The following TBK1 variants were observed in gnomAD, a reference collection of about 807,000 sequenced individuals.
TBK1 encodes serine/threonine-protein kinase TBK1.
A neutral mutation model predicts 99.9 loss-of-function variants in TBK1; 37 were observed. The observed-to-expected ratio is 0.37, with a 90% CI of 0.28 to 0.49. TBK1 has a LOEUF of 0.49. Among genes scored for constraint, TBK1 ranks in the 20% least tolerant of loss-of-function variants. The pLI, the probability that TBK1 is intolerant of heterozygous loss-of-function variation, is 0.98. For synonymous variants in TBK1, 258 were observed against 279.8 expected, an observed-to-expected ratio of 0.92 and a Z score of 0.78; for missense variants, 644 against 872.5, an observed-to-expected ratio of 0.74 and a Z score of 3.30.
intron 6 of TBK1, among the ~76,000 whole-genome samples, chr12:64,476,150 C>CTTTTTTTTT (rs59104364): frequency 9.6e-5 from 5 of 51,862 alleles, no homozygotes; most frequent in Non-Finnish European, 1.0e-4. Flanking sequence ...GCGTAGTCTT[C>CTTTTTTTTT]TTTTTTTTTT....
rs747738866 is a variant in TBK1, at chr12:64,474,227, T to G, written c.541-3T>G. ...GATTTTTTTCTTTTTTTTTTAATCTTAGCACCCTGATATGTATGAGAGAGC... is the reference window on the plus strand; with the variant it reads ...GATTTTTTTCTTTTTTTTTTAATCTGAGCACCCTGATATGTATGAGAGAGC... On this transcript the variant is annotated splice_region_variant and splice_polypyrimidine_tract_variant and intron_variant, in intron 5 of 20. Transcript: ENST00000331710. 2 of 1,605,474 alleles carry G rather than the reference T, an allele frequency of 1.2e-6. No individual in the cohort carries two copies. Among genetic ancestry groups the G allele is most frequent in the Non-Finnish European group, 1.7e-6 (2 of 1,177,410 alleles).
At chr12:64,467,759 G>A (rs183936100) in intron 5 of TBK1, among the ~76,000 whole-genome samples, 6 of 152,244 alleles carry the variant, frequency 3.9e-5, no homozygotes, top group Admixed American at 6.5e-5. Context: ...AATTTTATAA[G>A]ATGAAAGATA....
At chr12:64,456,731 A>C (rs2040492367) in intron 2 of TBK1, among the ~76,000 whole-genome samples, 1 of 151,626 alleles carries the variant, frequency 6.6e-6, no homozygotes, top group Non-Finnish European at 1.5e-5. Context: ...AGTCCCAGCT[A>C]CTCGGGAGGC....
In TBK1 at chr12:64,490,129, T is replaced by A; in HGVS notation, c.1521+10T>A. ...CACCAAATTGTTGAGAGTAAGTGTT[T>A]ACAAAATTACGAAATTTGTAAGCTC... On this transcript the variant is annotated intron_variant, in intron 13 of 20. Transcript: ENST00000331710. 2 of 1,593,208 alleles carry A rather than the reference T, an allele frequency of 1.3e-6. No homozygotes were observed. The highest frequency in any genetic ancestry group is 1.7e-6 in the Non-Finnish European group (2 of 1,166,810).
At chr12:64,498,832 T>G (rs2040956684) in intron 20 of TBK1, among the ~76,000 whole-genome samples, 1 of 151,468 alleles carries the variant, frequency 6.6e-6, no homozygotes, top group Non-Finnish European at 1.5e-5. Context: ...GGTGCACACC[T>G]GTAATCCCAG....
At chr12:64,465,307 T>G (rs757448835) in intron 4 of TBK1, among the ~76,000 whole-genome samples, 19 of 149,032 alleles carry the variant, frequency 1.3e-4, no homozygotes, top group Non-Finnish European at 2.7e-4. Flanking sequence ...CCTGATACAT[T>G]GCTGGTAGGA....
chr12:64,482,533 T>TA (rs144468614), intron 8 of TBK1, among the ~76,000 whole-genome samples: 2 of 152,054 alleles, frequency 1.3e-5, no homozygotes, highest in Non-Finnish European at 2.9e-5. Flanking sequence ...CCCATGTGAT[T>TA]AAAAAAAACT....
chr12:64,455,958 G>A lies in TBK1; in HGVS notation c.87+1G>A. 1 of 1,606,334 alleles carries A rather than the reference G, an allele frequency of 6.2e-7. No homozygotes were observed. The highest frequency in any genetic ancestry group is 2.2e-5 in the East Asian group (1 of 44,842). On this transcript the variant is annotated splice_donor_variant, in intron 2 of 20. Transcript: ENST00000331710. LOFTEE classifies it high-confidence loss of function. ...AAATGTCTTTCGTGGAAGACATAAG[G>A]TTAGTACAGAGAAAACTTTGAAGAC...
At chr12:64,463,089 A>C (rs2040563684) in intron 3 of TBK1, among the ~76,000 whole-genome samples, 1 of 152,198 alleles carries the variant, frequency 6.6e-6, no homozygotes, top group Non-Finnish European at 1.5e-5. Context: ...TAAGAAATTC[A>C]GCACTGGTGT....
intron 8 of TBK1, chr12:64,484,005 TCACATACACACA>T (rs1207732022): frequency 2.9e-5 from 4 of 136,204 alleles, no homozygotes; most frequent in Admixed American, 9.0e-5. Flanking sequence ...AAACTCTGTC[TCACATACACACA>T]CACACACACA....
chr12:64,485,672 T>G, intron 10 of TBK1, 159 bp downstream of exon 10: 1 of 468,960 alleles, frequency 2.1e-6, no homozygotes, highest in Non-Finnish European at 3.6e-6. Context: ...GTGGTCTTTC[T>G]TTTTTACTTT....
intron 4 of TBK1, among the ~76,000 whole-genome samples, chr12:64,466,650 GGTA>G (rs1315803359): frequency 6.6e-6 from 1 of 151,710 alleles, no homozygotes; most frequent in Non-Finnish European, 1.5e-5. Flanking sequence ...ACATTTTCCT[GGTA>G]GTACTTAAGA....
At chr12:64,468,891 G>A (rs1313972639) in intron 5 of TBK1, among the ~76,000 whole-genome samples, 2 of 152,082 alleles carry the variant, frequency 1.3e-5, no homozygotes, top group Non-Finnish European at 2.9e-5. Context: ...TCCCCCTGCA[G>A]AAAAGAAACT....
intron 13 of TBK1, among the ~76,000 whole-genome samples, chr12:64,493,304 C>A (rs563642931): frequency 6.6e-6 from 1 of 152,100 alleles, no homozygotes; most frequent in Non-Finnish European, 1.5e-5. Context: ...AAAGTTTTGT[C>A]CATTGCCCTG....
At chr12:64,460,688 G>C (rs2040539013) in intron 3 of TBK1, among the ~76,000 whole-genome samples, 1 of 151,004 alleles carries the variant, frequency 6.6e-6, no homozygotes, top group Non-Finnish European at 1.5e-5. Flanking sequence ...ACAAAAATTA[G>C]CTTGGCATGG....
chr12:64,480,180 G>A (rs2040755093), intron 7 of TBK1, 58 bp downstream of exon 7: 1 of 1,243,584 alleles, frequency 8.0e-7, no homozygotes, highest in Admixed American at 2.0e-5. Flanking sequence ...AATCTTTGTT[G>A]CCTAGAACCA....
chr12:64,481,200 A>G lies in TBK1; in HGVS notation c.813-642A>G, dbSNP rs139481657. ...TTTGGGGATCTCAGGCAAAACTGAT[A>G]AAGTGTAAAGGGCTCAGAAAATGAA... On this transcript the variant is annotated intron_variant, in intron 7 of 20. Transcript: ENST00000331710. Among the ~76,000 whole-genome samples the G allele has an allele frequency of 1.4e-4, 22 of 152,282 alleles. No homozygotes were observed. In the East Asian group the frequency reaches 3.1e-3, roughly 21 times the overall value.
At chr12:64,464,007 G>A (rs1295662704) in intron 3 of TBK1, among the ~76,000 whole-genome samples, 2 of 151,978 alleles carry the variant, frequency 1.3e-5, no homozygotes, top group Non-Finnish European at 2.9e-5. Flanking sequence ...GGGACTAGAG[G>A]CATGTGCCAC....
chr12:64,469,857 G>A (rs927309261), intron 5 of TBK1, among the ~76,000 whole-genome samples: 2 of 151,646 alleles, frequency 1.3e-5, no homozygotes, highest in Non-Finnish European at 2.9e-5. Flanking sequence ...AGTTCACCAG[G>A]CCCAGCTCCT....
Sources: allele counts gnomAD v4.1 joint callset (sites outside exome capture counted in the v4.1 genomes callset), GRCh38; gene constraint gnomAD v4.1.1; transcripts MANE v1.5; gene names NCBI Gene and HGNC (gene_info 2026-07-23, HGNC 2026-07-21).